Variants in TMC1 observed in about 807,000 individuals in gnomAD.
TMC1 encodes transmembrane channel like 1, also known as transmembrane channel-like protein 1.
TMC1 carries 84 observed loss-of-function variants against 105.8 expected under a neutral mutation model. That is an observed-to-expected ratio of 0.79 (90% confidence interval 0.67 to 0.95). TMC1 has a LOEUF of 0.95. Ranked by LOEUF, TMC1 falls within the 40% of genes least tolerant of loss-of-function variation. The pLI is 0.00. For synonymous variants in TMC1, 315 were observed against 311.5 expected, an observed-to-expected ratio of 1.01 and a Z score of -0.12; for missense variants, 817 against 914.1, an observed-to-expected ratio of 0.89 and a Z score of 1.37.
chr9:72,621,528 G>A (rs752943628), intron 3 of TMC1, among the ~76,000 whole-genome samples: 12 of 151,966 alleles, frequency 7.9e-5, no homozygotes, highest in Non-Finnish European at 1.5e-4. Context: ...TCTCATGTAA[G>A]ATTAAAAAAA....
intron 18 of TMC1, among the ~76,000 whole-genome samples, chr9:72,806,912 C>T (rs1360897099): frequency 1.3e-5 from 2 of 152,144 alleles, no homozygotes; most frequent in East Asian, 1.9e-4. Flanking sequence ...CCAAGGCAGG[C>T]GGCTGGGAGG....
chr9:72,753,442 C>A (rs2118062291), intron 11 of TMC1, among the ~76,000 whole-genome samples: 2 of 152,146 alleles, frequency 1.3e-5, no homozygotes, highest in South Asian at 4.1e-4. Flanking sequence ...ATGCTGCCTC[C>A]ATGTGGAGAA....
chr9:72,542,585 G>A, intron 1 of TMC1, among the ~76,000 whole-genome samples: 1 of 151,860 alleles, frequency 6.6e-6, no homozygotes, highest in Admixed American at 6.6e-5. Flanking sequence ...GTGCCACTGC[G>A]CTCCAGCCTA....
intron 20 of TMC1, among the ~76,000 whole-genome samples, chr9:72,822,514 TTGTGTG>T (rs368968408): frequency 0.018 from 2,408 of 135,826 alleles, 29 homozygotes; most frequent in African/African-American, 0.033. Flanking sequence ...GTTAATTCCG[TTGTGTG>T]TGTGTGTGTG....
chr9:72,702,945 A>G (rs1178812991), intron 8 of TMC1, among the ~76,000 whole-genome samples: 2 of 152,094 alleles, frequency 1.3e-5, no homozygotes. Context: ...GACACTGACA[A>G]TAAGGAGACC....
chr9:72,658,588 A>G (rs954477774), intron 5 of TMC1, among the ~76,000 whole-genome samples: 1 of 152,234 alleles, frequency 6.6e-6, no homozygotes, highest in Admixed American at 6.5e-5. Context: ...GTACCTACGC[A>G]TAGGAATATG....
At chr9:72,811,706 C>G (rs1029675450) in intron 18 of TMC1, among the ~76,000 whole-genome samples, 3 of 152,132 alleles carry the variant, frequency 2.0e-5, no homozygotes, top group Non-Finnish European at 4.4e-5. Flanking sequence ...GATCATTGCT[C>G]ACTCGTAAGT....
At chr9:72,798,669 A>G (rs1353852814) in intron 17 of TMC1, among the ~76,000 whole-genome samples, 1 of 152,090 alleles carries the variant, frequency 6.6e-6, no homozygotes, top group Non-Finnish European at 1.5e-5. Context: ...AACAACAGAC[A>G]CTGGGGTCTA....
chr9:72,808,942 A>G (rs961980399), intron 18 of TMC1: 4 of 152,218 alleles, frequency 2.6e-5, no homozygotes, highest in Non-Finnish European at 5.9e-5. Context: ...CCCTCATTGA[A>G]AGTGCCTCCT....
intron 6 of TMC1, among the ~76,000 whole-genome samples, chr9:72,690,894 T>A (rs1826454316): frequency 1.3e-5 from 2 of 152,140 alleles, no homozygotes; most frequent in African/African-American, 4.8e-5. Context: ...GTTATTATTT[T>A]CTTTGAATAG....
At chr9:72,535,346 CATT>C (rs1327151918) in intron 1 of TMC1, among the ~76,000 whole-genome samples, 2 of 152,210 alleles carry the variant, frequency 1.3e-5, no homozygotes, top group Non-Finnish European at 2.9e-5. Context: ...GTATTTCTAT[CATT>C]GTTTTAACTA....
At chr9:72,659,600 C>T (rs1177314810) in intron 5 of TMC1, among the ~76,000 whole-genome samples, 1 of 152,226 alleles carries the variant, frequency 6.6e-6, no homozygotes, top group African/African-American at 2.4e-5. Flanking sequence ...CACCACTGCA[C>T]TCCCGCCTGG....
chr9:72,588,522 A>G (rs895853653), intron 2 of TMC1, among the ~76,000 whole-genome samples: 3 of 152,100 alleles, frequency 2.0e-5, no homozygotes, highest in African/African-American at 7.2e-5. Flanking sequence ...CCCAGCCTCT[A>G]CATGTGGCTG....
intron 13 of TMC1, among the ~76,000 whole-genome samples, chr9:72,775,414 A>G (rs1827991078): frequency 6.6e-6 from 1 of 152,148 alleles, no homozygotes; most frequent in African/African-American, 2.4e-5. Flanking sequence ...TCATTTAAAT[A>G]TTGTCCTCAT....
intron 5 of TMC1, among the ~76,000 whole-genome samples, chr9:72,669,653 C>A (rs67052972): frequency 0.042 from 6,387 of 150,732 alleles, 195 homozygotes; most frequent in Non-Finnish European, 0.062. Flanking sequence ...CGATGTGAAA[C>A]AAAAGAGAAA....
chr9:72,772,774 T>G (rs1200472366), intron 13 of TMC1, among the ~76,000 whole-genome samples: 1 of 152,122 alleles, frequency 6.6e-6, no homozygotes, highest in African/African-American at 2.4e-5. Flanking sequence ...TCTCATGGGG[T>G]CAGACCAATG....
At chr9:72,681,441 T>C (rs968454779) in intron 5 of TMC1, among the ~76,000 whole-genome samples, 2 of 152,134 alleles carry the variant, frequency 1.3e-5, no homozygotes, top group African/African-American at 4.8e-5. Context: ...GTAAGAGCTG[T>C]TTTTGTTCTT....
chr9:72,597,276 C>T (rs1196345293), intron 2 of TMC1, among the ~76,000 whole-genome samples: 1 of 152,238 alleles, frequency 6.6e-6, no homozygotes, highest in East Asian at 1.9e-4. Context: ...TGTTCACATG[C>T]GGCCGGAACC....
At chr9:72,584,170 A>G (rs1275416965) in intron 2 of TMC1, among the ~76,000 whole-genome samples, 1 of 152,222 alleles carries the variant, frequency 6.6e-6, no homozygotes. Context: ...TTCATTCTAC[A>G]GGCCTTTAAA....
Sources: gnomAD v4.1 joint callset for allele counts (sites outside exome capture counted in the v4.1 genomes callset) on GRCh38, gnomAD v4.1.1 for gene constraint, MANE v1.5 for transcripts, NCBI Gene and HGNC (gene_info 2026-07-23, HGNC 2026-07-21) for gene names.